The following DGUOK variants were observed in gnomAD, a reference collection of about 807,000 sequenced individuals.
The protein encoded by DGUOK is deoxyguanosine kinase.
A neutral mutation model predicts 36.6 loss-of-function variants in DGUOK; 30 were observed. That is an observed-to-expected ratio of 0.82 (90% CI 0.61 to 1.11). DGUOK has a LOEUF of 1.11. Ranked by LOEUF, DGUOK falls within the 50% of genes most tolerant of loss-of-function variation. The pLI is 0.00. For synonymous variants in DGUOK, 145 were observed against 126.3 expected, an observed-to-expected ratio of 1.15 and a Z score of -0.99; for missense variants, 361 against 336.4, an observed-to-expected ratio of 1.07 and a Z score of -0.57.
chr2:73,928,103 T>G (rs1053560894), intron 1 of DGUOK, among the ~76,000 whole-genome samples: 3 of 152,080 alleles, frequency 2.0e-5, no homozygotes, highest in African/African-American at 7.2e-5. Flanking sequence ...GGAGAAAAAT[T>G]AGGGATGAAG....
At chr2:73,956,226 G>A (rs1683077444) in intron 4 of DGUOK, among the ~76,000 whole-genome samples, 1 of 152,204 alleles carries the variant, frequency 6.6e-6, no homozygotes, top group Admixed American at 6.5e-5. Flanking sequence ...AAAGCAGCGG[G>A]GGAGGAGAGT....
chr2:73,945,079 A>G (rs537151526), intron 2 of DGUOK, among the ~76,000 whole-genome samples: 1 of 152,180 alleles, frequency 6.6e-6, no homozygotes, highest in Non-Finnish European at 1.5e-5. Context: ...CCTTCTTTGG[A>G]ATCTAATAGT....
rs770100935 is a variant in DGUOK at position 73,926,926 on chromosome 2, C to G, written c.16C>G (p.Leu6Val). The G allele has an allele frequency of 2.9e-5, 47 of 1,613,450 alleles. No homozygotes were observed. In the South Asian group the frequency reaches 4.9e-4, roughly 17 times the overall value. MAAGR[L>V]FLSRLRAPFS... is the part of the protein sequence containing the mutation. ...CGTGGGTGGGATGGCCGCGGGCCGC[C>G]TCTTTCTAAGTCGGCTTCGAGCACC... Residue 6 changes from leucine (L) to valine (V), a missense_variant, in exon 1 of 7, where the codon CTC becomes GTC. Coordinates refer to ENST00000264093, the MANE Select transcript of DGUOK (RefSeq NM_080916.3).
At chr2:73,951,971 C>G (rs1407062839) in intron 4 of DGUOK, among the ~76,000 whole-genome samples, 1 of 152,138 alleles carries the variant, frequency 6.6e-6, no homozygotes, top group East Asian at 1.9e-4. Flanking sequence ...GAGTTCAAGA[C>G]CAGCATAGGC....
At chr2:73,940,238 C>T (rs1199065527) in intron 2 of DGUOK, among the ~76,000 whole-genome samples, 1 of 152,184 alleles carries the variant, frequency 6.6e-6, no homozygotes, top group Non-Finnish European at 1.5e-5. Flanking sequence ...CTCCAGTTTT[C>T]CTCCAGGCTA....
intron 2 of DGUOK, among the ~76,000 whole-genome samples, chr2:73,945,773 G>A (rs75831460): frequency 0.023 from 3,549 of 152,298 alleles, 67 homozygotes; most frequent in African/African-American, 0.046. Flanking sequence ...GGGGCTGGGC[G>A]TGGTGGCTCA....
chr2:73,937,597 T>C (rs528700646), intron 1 of DGUOK, among the ~76,000 whole-genome samples: 1 of 152,318 alleles, frequency 6.6e-6, no homozygotes, highest in African/African-American at 2.4e-5. Context: ...GGTGTGTTCA[T>C]ACCCTGAGGT....
intron 3 of DGUOK, 132 bp downstream of exon 3, chr2:73,947,038 C>A: frequency 1.2e-6 from 1 of 867,010 alleles, no homozygotes; most frequent in Non-Finnish European, 1.9e-6. Flanking sequence ...TTAAAGACAA[C>A]ACTATACAGA....
chr2:73,955,854 C>T (rs761810539), intron 4 of DGUOK, among the ~76,000 whole-genome samples: 4 of 152,054 alleles, frequency 2.6e-5, no homozygotes, highest in Non-Finnish European at 5.9e-5. Flanking sequence ...AGCCTGGCAA[C>T]AGAGCAAGAC....
intron 1 of DGUOK, among the ~76,000 whole-genome samples, chr2:73,927,637 CATA>C (rs1680702364): frequency 6.6e-6 from 1 of 152,178 alleles, no homozygotes; most frequent in African/African-American, 2.4e-5. Context: ...GTGCTAGTTG[CATA>C]ATAATTTCTT....
Position 73,946,947 on chromosome 2 carries a change from C to T in DGUOK, c.443+41C>T, listed in dbSNP as rs146274998. On this transcript the variant is annotated intron_variant, in intron 3 of 6. Transcript: ENST00000264093. ...CTCCACCAGTCACAAGCCCCATGCTCAGTGCTGCCTGTTTGATCTTGCACA... is the reference window on the plus strand; with the variant it reads ...CTCCACCAGTCACAAGCCCCATGCTTAGTGCTGCCTGTTTGATCTTGCACA... 2,839 of 1,553,386 alleles carry T rather than the reference C, an allele frequency of 1.8e-3. 7 individuals carry two copies. Among genetic ancestry groups the T allele is most frequent in the South Asian group, 2.7e-3 (239 of 87,088 alleles).
At chr2:73,949,217 G>T (rs766546984) in intron 3 of DGUOK, among the ~76,000 whole-genome samples, 20 of 152,226 alleles carry the variant, frequency 1.3e-4, no homozygotes, top group Non-Finnish European at 2.8e-4. Flanking sequence ...CTCCAAAAGT[G>T]CTGGGATTAC....
intron 2 of DGUOK, among the ~76,000 whole-genome samples, chr2:73,944,349 A>C (rs115585336): frequency 6.6e-6 from 1 of 152,156 alleles, no homozygotes; most frequent in Non-Finnish European, 1.5e-5. Context: ...AGGATCTTCT[A>C]ATTCACTAAT....
Position 73,950,692 on chromosome 2 carries a change from T to C in DGUOK, c.551T>C (p.Ile184Thr), listed in dbSNP as rs1682645573. The stretch of plus-strand genomic sequence containing the variant: ...CTCCTGTGGGAGTTTGCCAGCCGGA[T>C]CACATTACATGGCTTCATCTACCTC... The part of the protein sequence containing the change: ...SFLLWEFASR[I>T]TLHGFIYLQA... Residue 184 changes from isoleucine to threonine, a missense_variant, in exon 4 of 7, where the codon ATC becomes ACC. Coordinates refer to ENST00000264093, the MANE Select transcript of DGUOK (RefSeq NM_080916.3). 1.9e-6 allele frequency: 3 copies of C among 1,614,046 alleles called. No homozygotes were observed. The highest frequency in any genetic ancestry group is 2.5e-6 in the Non-Finnish European group (3 of 1,180,044).
intron 1 of DGUOK, among the ~76,000 whole-genome samples, chr2:73,927,275 G>A (rs1425409090): frequency 6.6e-6 from 1 of 152,200 alleles, no homozygotes; most frequent in African/African-American, 2.4e-5. Flanking sequence ...ATTTGTTGGG[G>A]CATAAAAGCC....
intron 4 of DGUOK, 138 bp from the exon 5 acceptor site, chr2:73,956,987 A>ATC: frequency 1.7e-6 from 1 of 584,878 alleles, no homozygotes; most frequent in Non-Finnish European, 3.2e-6. Flanking sequence ...TTGCATAAGA[A>ATC]AACAAGACAG....
rs1188053375 is a variant in DGUOK at position 73,938,940 on chromosome 2, T to C, written c.173T>C (p.Leu58Pro). Residue 58 changes from leucine (L) to proline (P), a missense_variant, in exon 2 of 7, where the codon CTC becomes CCC. Physicochemically the swap from Leu to Pro is moderately conservative, Grantham distance 98. Transcript: ENST00000264093. The part of the protein sequence containing the change: ...AVGKSTFVKL[L>P]TKTYPEWHVA... ...GGAAAGTCCACGTTTGTGAAGTTAC[T>C]CACGAAAACTTACCCAGAATGGCAC... The C allele has an allele frequency of 6.2e-7, 1 of 1,613,982 alleles. No individual in the cohort carries two copies. The highest frequency in any genetic ancestry group is 2.2e-5 in the East Asian group (1 of 44,878).
rs1028341314 is a variant in DGUOK at position 73,930,794 on chromosome 2, C to CTTT, written c.142+3759_142+3761dup. On this transcript the variant is annotated intron_variant, in intron 1 of 6. Coordinates refer to ENST00000264093, the MANE Select transcript of DGUOK (RefSeq NM_080916.3). ...TCGACATAATTTTCTTTTTTTTTTT[C>CTTT]TTTTTTTTTTTTTTTTTTTGAGACA... is the stretch of plus-strand genomic sequence containing the variant. Among the ~76,000 whole-genome samples, 6 of 35,704 alleles carry CTTT rather than the reference C, an allele frequency of 1.7e-4. No homozygotes were observed. In the East Asian group the frequency reaches 1.9e-3, roughly 11 times the overall value. 23.4% of individuals were successfully genotyped at this position (35,704 alleles called of 152,430 possible).
intron 2 of DGUOK, among the ~76,000 whole-genome samples, chr2:73,939,385 T>G (rs1681730681): frequency 6.6e-6 from 1 of 152,246 alleles, no homozygotes; most frequent in African/African-American, 2.4e-5. Context: ...TGATTTTAAC[T>G]TTTTAAATAA....
Sources: gnomAD v4.1 joint callset for allele counts (sites outside exome capture counted in the v4.1 genomes callset) on GRCh38, gnomAD v4.1.1 for gene constraint, MANE v1.5 for transcripts, NCBI Gene and HGNC (gene_info 2026-07-23, HGNC 2026-07-21) for gene names.